Variants in DNAJC1 observed in about 807,000 individuals in gnomAD.
DNAJC1 encodes the protein DnaJ heat shock protein family (Hsp40) member C1.
A neutral mutation model predicts 76.6 loss-of-function variants in DNAJC1; 58 were observed. The observed-to-expected ratio is 0.76, with a 90% confidence interval of 0.61 to 0.94. The LOEUF (loss-of-function observed/expected upper bound fraction) is 0.94. Ranked by LOEUF, DNAJC1 falls within the 40% of genes least tolerant of loss-of-function variation. The pLI is 0.00. For synonymous variants in DNAJC1, 258 were observed against 267.9 expected, an observed-to-expected ratio of 0.96 and a Z score of 0.36; for missense variants, 689 against 677.3, an observed-to-expected ratio of 1.02 and a Z score of -0.19.
intron 9 of DNAJC1, among the ~76,000 whole-genome samples, chr10:21,800,233 T>C (rs1009419101): frequency 6.6e-6 from 1 of 152,216 alleles, no homozygotes; most frequent in Non-Finnish European, 1.5e-5. Flanking sequence ...ATCAATACTA[T>C]AACACTTTTC....
At chr10:21,784,589 A>G (rs1834580629) in intron 9 of DNAJC1, among the ~76,000 whole-genome samples, 1 of 152,188 alleles carries the variant, frequency 6.6e-6, no homozygotes, top group African/African-American at 2.4e-5. Flanking sequence ...TGCTATAAAG[A>G]CACATGCACA....
At chr10:21,798,944 G>A (rs1156747949) in intron 9 of DNAJC1, among the ~76,000 whole-genome samples, 2 of 152,216 alleles carry the variant, frequency 1.3e-5, no homozygotes, top group Non-Finnish European at 2.9e-5. Flanking sequence ...CCATATCAGA[G>A]TTTGGGAGGC....
At chr10:21,856,839 C>T (rs1005923913) in intron 8 of DNAJC1, among the ~76,000 whole-genome samples, 2 of 152,016 alleles carry the variant, frequency 1.3e-5, no homozygotes, top group Non-Finnish European at 2.9e-5. Flanking sequence ...GGAGTTCAAG[C>T]GATTCTCCTG....
intron 9 of DNAJC1, among the ~76,000 whole-genome samples, chr10:21,781,914 T>C (rs1834534284): frequency 6.6e-6 from 1 of 151,706 alleles, no homozygotes; most frequent in African/African-American, 2.4e-5. Flanking sequence ...TAGAGGGAAA[T>C]TTATAGCACT....
chr10:21,807,797 G>C (rs1308631722), intron 8 of DNAJC1, among the ~76,000 whole-genome samples: 2 of 152,104 alleles, frequency 1.3e-5, no homozygotes, highest in Non-Finnish European at 2.9e-5. Context: ...CATTGGGTCT[G>C]GTCGGAATTT....
intron 1 of DNAJC1, among the ~76,000 whole-genome samples, chr10:21,988,373 G>A (rs1293310269): frequency 6.6e-6 from 1 of 151,842 alleles, no homozygotes; most frequent in Non-Finnish European, 1.5e-5. Context: ...CAATATTAAA[G>A]GCATATAATA....
chr10:22,002,154 G>C (rs1019881597), intron 1 of DNAJC1, among the ~76,000 whole-genome samples: 2 of 152,154 alleles, frequency 1.3e-5, no homozygotes, highest in African/African-American at 2.4e-5. Context: ...ATAACCTATG[G>C]GGGAAGGGGA....
intron 1 of DNAJC1, among the ~76,000 whole-genome samples, chr10:21,998,383 C>T (rs1410013730): frequency 9.6e-6 from 1 of 104,082 alleles, no homozygotes; most frequent in Non-Finnish European, 1.9e-5. Flanking sequence ...GAGCAAGACT[C>T]CATCTCAAAA....
At chr10:21,980,487 T>C (rs1260247342) in intron 1 of DNAJC1, among the ~76,000 whole-genome samples, 11 of 152,090 alleles carry the variant, frequency 7.2e-5, no homozygotes, top group Admixed American at 7.2e-4. Flanking sequence ...CTTTAAAATA[T>C]AACTGTCCAA....
chr10:21,760,111 G>C (rs1047736241), intron 10 of DNAJC1, among the ~76,000 whole-genome samples: 3 of 152,200 alleles, frequency 2.0e-5, no homozygotes, highest in East Asian at 3.9e-4. Flanking sequence ...ACATGGAAAA[G>C]AAACATTTTA....
intron 9 of DNAJC1, among the ~76,000 whole-genome samples, chr10:21,782,899 G>C (rs2131628996): frequency 6.6e-6 from 1 of 152,246 alleles, no homozygotes; most frequent in African/African-American, 2.4e-5. Context: ...TGGAACGTAT[G>C]TCAAAATAGT....
intron 8 of DNAJC1, among the ~76,000 whole-genome samples, chr10:21,858,273 A>C (rs1248874895): frequency 1.3e-5 from 2 of 152,236 alleles, no homozygotes; most frequent in Non-Finnish European, 2.9e-5. Context: ...TGAGAAAGTA[A>C]ATTTTTATAC....
At chr10:21,764,528 T>A (rs1178443528) in intron 10 of DNAJC1, among the ~76,000 whole-genome samples, 2 of 152,254 alleles carry the variant, frequency 1.3e-5, no homozygotes, top group Non-Finnish European at 2.9e-5. Context: ...GCTAGCCTAT[T>A]AAGCCAGCTG....
intron 8 of DNAJC1, among the ~76,000 whole-genome samples, chr10:21,835,690 A>G (rs1179592710): frequency 1.3e-5 from 2 of 152,250 alleles, no homozygotes; most frequent in Non-Finnish European, 2.9e-5. Context: ...CAGAAGCCTC[A>G]GTAGCCGATG....
chr10:21,895,738 C>T (rs1836530970), intron 7 of DNAJC1, among the ~76,000 whole-genome samples: 2 of 151,992 alleles, frequency 1.3e-5, no homozygotes, highest in Non-Finnish European at 2.9e-5. Context: ...GAAGAATGAC[C>T]GCAAAGGCAT....
At chr10:21,897,698 T>C (rs1227369611) in intron 7 of DNAJC1, among the ~76,000 whole-genome samples, 4 of 152,140 alleles carry the variant, frequency 2.6e-5, no homozygotes, top group Non-Finnish European at 5.9e-5. Flanking sequence ...CACGAAATCG[T>C]TCCCTGGTGA....
At chr10:21,835,142 G>A (rs545503213) in intron 8 of DNAJC1, among the ~76,000 whole-genome samples, 23 of 152,260 alleles carry the variant, frequency 1.5e-4, no homozygotes, top group South Asian at 6.2e-4. Context: ...CCAGAGGAAC[G>A]ATCAGACAGC....
intron 1 of DNAJC1, among the ~76,000 whole-genome samples, chr10:21,986,748 G>C (rs533301804): frequency 3.3e-5 from 5 of 151,912 alleles, no homozygotes; most frequent in African/African-American, 1.2e-4. Context: ...CTAACACTTT[G>C]GCTGGGAAAT....
chr10:21,854,821 G>T (rs974993988), intron 8 of DNAJC1, among the ~76,000 whole-genome samples: 1 of 152,106 alleles, frequency 6.6e-6, no homozygotes, highest in African/African-American at 2.4e-5. Flanking sequence ...TTTAAAAATT[G>T]ATTGTAAACT....
Sources: gnomAD v4.1 joint callset for allele counts (sites outside exome capture counted in the v4.1 genomes callset) on GRCh38, gnomAD v4.1.1 for gene constraint, MANE v1.5 for transcripts, NCBI Gene and HGNC (gene_info 2026-07-23, HGNC 2026-07-21) for gene names.